The following SSTR3 variants were observed in gnomAD, a reference collection of about 807,000 sequenced individuals.
SSTR3 encodes somatostatin receptor type 3.
For missense variants in SSTR3, 504 were observed against 604.7 expected (o/e 0.83, Z 1.75); for synonymous variants, 281 against 269.2 (o/e 1.04, Z -0.43).
chr22:37,216,556 C>T (rs1275697134), upstream of SSTR3, among the ~76,000 whole-genome samples: 2 of 152,178 alleles, frequency 1.3e-5, no homozygotes, highest in African/African-American at 4.8e-5. Context: ...TCGTAAAAAC[C>T]ACACAGTGGA....
rs1253373565 is a variant in SSTR3, at chr22:37,205,249, T to G, written c.*1298A>C. On this transcript the variant is annotated 3_prime_UTR_variant, in exon 2 of 2. Coordinates refer to ENST00000610913, the MANE Select transcript of SSTR3 (RefSeq NM_001051.5). Reference sequence around the variant, plus strand: ...GGGACGCAGGCCCTGTGCCTGTCTGTACTCTGTGCATTTGCCATTGCACCC... The same window carrying G: ...GGGACGCAGGCCCTGTGCCTGTCTGGACTCTGTGCATTTGCCATTGCACCC... 1 of 152,688 alleles carries G rather than the reference T, an allele frequency of 6.5e-6. No homozygotes were observed. The highest frequency in any genetic ancestry group is 2.4e-5 in the African/African-American group (1 of 41,476). 9.5% of individuals were successfully genotyped at this position (152,688 alleles called of 1,614,324 possible). A position where few individuals can be genotyped will look rare whatever the true frequency, so the allele number is the denominator to read the frequency against.
intron 1 of SSTR3, among the ~76,000 whole-genome samples, chr22:37,208,506 G>A (rs567898572): frequency 1.9e-4 from 29 of 152,300 alleles, no homozygotes; most frequent in African/African-American, 6.7e-4. Flanking sequence ...AACCTGGGGG[G>A]CAGGTGGCTG....
Position 37,206,345 on chromosome 22 carries a change from C to G in SSTR3, c.*202G>C, listed in dbSNP as rs1925735782. On this transcript the variant is annotated 3_prime_UTR_variant, in exon 2 of 2. Coordinates refer to ENST00000610913, the MANE Select transcript of SSTR3 (RefSeq NM_001051.5). ...GCTCATCCAGGCTGATGACTCCTAT[C>G]CCTGAGTCACAGAGGAGAAAACAAG... The G allele has an allele frequency of 2.7e-6, 2 of 749,118 alleles. No homozygotes were observed. Among genetic ancestry groups the G allele is most frequent in the Non-Finnish European group, 4.1e-6 (2 of 484,462 alleles). The allele number at this position is 749,118 out of a possible 1,614,324, so 46.4% of individuals were successfully genotyped here.
chr22:37,218,280 G>A, the SSTR3 span, among the ~76,000 whole-genome samples: 4,323 of 152,280 alleles, frequency 0.028, 208 homozygotes, highest in African/African-American at 0.099. Flanking sequence ...ATTAAGCCCG[G>A]GCATGGTGGC....
At chr22:37,216,586 A>G (rs1240119492), upstream of SSTR3, among the ~76,000 whole-genome samples, 3 of 152,218 alleles carry the variant, frequency 2.0e-5, no homozygotes, top group Non-Finnish European at 1.5e-5. Context: ...GTCCAGCCTC[A>G]GGGACGATTT....
At position 37,207,054 on chromosome 22, in the gene SSTR3, GCGC is replaced by G. The variant is rs760926420; in HGVS notation, c.747_749del (p.Arg250del). 96 of 1,612,090 alleles carry G rather than the reference GCGC, an allele frequency of 6.0e-5. No homozygotes were observed. In the Middle Eastern group the frequency reaches 9.9e-4, roughly 17 times the overall value. On this transcript the variant is annotated inframe_deletion, in exon 2 of 2. Transcript: ENST00000610913. ...CCATGCGCGTGACCCTGCGTTCGGAGCGCCGCCGCCGCTGGCACGAGGGTGCCC... is the reference window on the plus strand; with the variant it reads ...CCATGCGCGTGACCCTGCGTTCGGAGCGCCGCCGCTGGCACGAGGGTGCCC...
At chr22:37,219,166 G>C in the SSTR3 span, among the ~76,000 whole-genome samples, 1 of 152,330 alleles carries the variant, frequency 6.6e-6, no homozygotes, top group East Asian at 1.9e-4. Context: ...TTTTCAGCGA[G>C]GAGGTGGGGG....
chr22:37,213,859 G>T (rs559427516), upstream of SSTR3, among the ~76,000 whole-genome samples: 2 of 152,288 alleles, frequency 1.3e-5, no homozygotes, highest in East Asian at 1.9e-4. Flanking sequence ...GATTTCACTC[G>T]CTCCTCTGTG....
At chr22:37,216,214 T>C (rs1601661651), upstream of SSTR3, among the ~76,000 whole-genome samples, 1 of 78,036 alleles carries the variant, frequency 1.3e-5, no homozygotes, top group Non-Finnish European at 2.4e-5. Flanking sequence ...ATCCCACAGG[T>C]AATCCCACCC....
upstream of SSTR3, among the ~76,000 whole-genome samples, chr22:37,216,793 T>TTTTGTTTTG (rs36097671): frequency 1.3e-4 from 19 of 151,484 alleles, no homozygotes; most frequent in Non-Finnish European, 2.2e-4. Flanking sequence ...CCTTGGGGTT[T>TTTTGTTTTG]TTTTGTTTTG....
In SSTR3 at chr22:37,206,349, G is replaced by C. The variant is rs963541116; in HGVS notation, c.*198C>G. 6.2e-5 allele frequency: 48 copies of C among 769,238 alleles called. No individual in the cohort carries two copies. The African/African-American group carries it at 8.5e-4, about 14-fold the overall frequency. The allele number at this position is 769,238 out of a possible 1,614,324, so 47.7% of individuals were successfully genotyped here. On this transcript the variant is annotated 3_prime_UTR_variant, in exon 2 of 2. Transcript: ENST00000610913. ...ATCCAGGCTGATGACTCCTATCCCT[G>C]AGTCACAGAGGAGAAAACAAGGCCC...
chr22:37,207,630 G>A lies in SSTR3; in HGVS notation c.174C>T (p.Gly58=). The A allele has an allele frequency of 1.2e-6, 2 of 1,601,784 alleles. No individual in the cohort carries two copies. Among genetic ancestry groups the A allele is most frequent in the Non-Finnish European group, 8.5e-7 (1 of 1,171,594 alleles). Residue 58 remains glycine, a synonymous_variant, in exon 2 of 2, where the codon GGC becomes GGT. Transcript: ENST00000610913. The part of the protein sequence containing the change: ...PLVYLVVCVV[G]LLGNSLVIYV... ...AGATGACCAGCGAGTTACCCAGCAGGCCCACCACGCACACCACCAGGTAGA... is the reference window on the plus strand; with the variant it reads ...AGATGACCAGCGAGTTACCCAGCAGACCCACCACGCACACCACCAGGTAGA...
At chr22:37,207,892 T>C (rs1925949351) in intron 1 of SSTR3, 53 bp from the exon 2 acceptor site, 2 of 1,395,508 alleles carry the variant, frequency 1.4e-6, no homozygotes, top group South Asian at 1.7e-5. Context: ...TTCTCTGTGC[T>C]GCCCCCTCCC....
chr22:37,214,892 T>G (rs961499686), upstream of SSTR3, among the ~76,000 whole-genome samples: 1 of 152,138 alleles, frequency 6.6e-6, no homozygotes, highest in Admixed American at 6.5e-5. Context: ...GGCCTCCATC[T>G]GAAACTCACC....
At chr22:37,208,743 G>A (rs1926004440) in intron 1 of SSTR3, among the ~76,000 whole-genome samples, 3 of 151,996 alleles carry the variant, frequency 2.0e-5, no homozygotes, top group Admixed American at 1.3e-4. Context: ...GGGCTCCTCT[G>A]GGCTCCCCTG....
At position 37,206,666 on chromosome 22, in the gene SSTR3, G is replaced by A. The variant is rs1311437187; in HGVS notation, c.1138C>T (p.Pro380Ser). 3 of 1,610,124 alleles carry A rather than the reference G, an allele frequency of 1.9e-6. No homozygotes were observed. Among genetic ancestry groups the A allele is most frequent in the Non-Finnish European group, 2.5e-6 (3 of 1,179,982 alleles). ...GGCCGCTCCTGCCCGCTGGTGCCAG[G>A]CTGCGTGATCTGGCTGACCCGGCCG... ...MNGRVSQITQ[P>S]GTSGQERPPS... is the part of the protein sequence containing the mutation. Residue 380 changes from proline to serine, a missense_variant, in exon 2 of 2, where the codon CCT becomes TCT. Pro to Ser is a moderately conservative substitution (Grantham distance 74). Transcript: ENST00000610913.
At position 37,208,629 on chromosome 22, in the gene SSTR3, A is replaced by G. The variant is rs185500102; in HGVS notation, c.-36-790T>C. Among the ~76,000 whole-genome samples the G allele has an allele frequency of 2.2e-3, 339 of 152,310 alleles. 1 individual carries two copies. The highest frequency in any genetic ancestry group is 7.8e-3 in the African/African-American group (326 of 41,570). On this transcript the variant is annotated intron_variant, in intron 1 of 1. Coordinates refer to ENST00000610913, the MANE Select transcript of SSTR3 (RefSeq NM_001051.5). ...GCTGGAGGGGCCAGCTGCCTGGAAA[A>G]GGGGACATTTTCAGAAGGGATTTGC...
chr22:37,210,534 G>A (rs917971652), intron 1 of SSTR3: 5 of 985,386 alleles, frequency 5.1e-6, no homozygotes, highest in South Asian at 4.7e-5. Context: ...TTCCACGCAC[G>A]TAAGCCAGAC....
rs371258114 is a variant in SSTR3 at position 37,207,208 on chromosome 22, G to A, written c.596C>T (p.Ala199Val). 36 of 1,609,756 alleles carry A rather than the reference G, an allele frequency of 2.2e-5. No homozygotes were observed. Among genetic ancestry groups the A allele is most frequent in the Admixed American group, 1.2e-4 (7 of 59,768 alleles). ...GATGAAGCCGGCTCGCCAGGCCGCC[G>A]CCGGCTCGGGCCACTGCATGTGGCA... ...STCHMQWPEP[A>V]AAWRAGFIIY... Residue 199 changes from alanine to valine, a missense_variant, in exon 2 of 2, where the codon GCG becomes GTG. Transcript: ENST00000610913.
Sources: allele counts gnomAD v4.1 joint callset (sites outside exome capture counted in the v4.1 genomes callset), GRCh38; gene constraint gnomAD v4.1.1; transcripts MANE v1.5; gene names NCBI Gene and HGNC (gene_info 2026-07-23, HGNC 2026-07-21).